The following PRKDC variants were observed in gnomAD, a reference collection of about 807,000 sequenced individuals.
PRKDC encodes the protein protein kinase, DNA-activated, catalytic subunit, also known as DNA-dependent protein kinase catalytic subunit.
In PRKDC, 82 loss-of-function variants were observed where a neutral mutation model predicts 486.9. That is an observed-to-expected ratio of 0.17 (90% CI 0.14 to 0.20). The LOEUF is 0.20. Among genes scored for constraint, PRKDC ranks in the 10% least tolerant of loss-of-function variants. The pLI is 1.00. For missense variants in PRKDC, 4,504 were observed against 5,038.2 expected (o/e 0.89, Z 3.21); for synonymous variants, 1,895 against 1,837.0 (o/e 1.03, Z -0.81).
chr8:47,915,339 T>C lies in PRKDC; in HGVS notation c.2606A>G (p.Asn869Ser). The C allele has an allele frequency of 6.5e-7, 1 of 1,535,330 alleles. No homozygotes were observed. The highest frequency in any genetic ancestry group is 8.9e-7 in the Non-Finnish European group (1 of 1,129,508). ...TAAAAGAAGTTTACCTGTCAGAAGA[T>C]TTTTGTTTATTTGTCCTCCTAGAGA... Reference protein sequence around the residue: ...LGSLGGQINKNLLTVTSSDEM... With the variant: ...LGSLGGQINKSLLTVTSSDEM... Residue 869 changes from asparagine (N) to serine (S), a missense_variant, in exon 23 of 86, where the codon AAT becomes AGT. Physicochemically the swap from Asn to Ser is conservative, Grantham distance 46. Around this residue, in one of 6 missense-constraint regions of PRKDC, gnomAD observed 1,969 missense variants for 2,068.9 expected, o/e 0.95. Coordinates refer to ENST00000314191, the MANE Select transcript of PRKDC (RefSeq NM_006904.7).
chr8:47,958,105 G>C (rs1184214644), intron 1 of PRKDC, among the ~76,000 whole-genome samples: 1 of 152,190 alleles, frequency 6.6e-6, no homozygotes, highest in Admixed American at 6.5e-5. Context: ...TAATCACACA[G>C]GCCCTTAAAG....
intron 68 of PRKDC, among the ~76,000 whole-genome samples, chr8:47,807,949 T>G (rs2087250580): frequency 6.6e-6 from 1 of 151,896 alleles, no homozygotes; most frequent in Non-Finnish European, 1.5e-5. Context: ...CTCCTGACCC[T>G]CAGGTGATCC....
At chr8:47,951,370 A>G (rs1374595609) in intron 7 of PRKDC, among the ~76,000 whole-genome samples, 2 of 151,852 alleles carry the variant, frequency 1.3e-5, no homozygotes, top group African/African-American at 2.4e-5. Flanking sequence ...CAGAAAAAAA[A>G]AAGAAAAGAA....
chr8:47,919,886 G>A lies in PRKDC; in HGVS notation c.2420-1503C>T, dbSNP rs201309057. Among the ~76,000 whole-genome samples, 8 of 152,238 alleles carry A rather than the reference G, an allele frequency of 5.3e-5. No individual in the cohort carries two copies. In the East Asian group the frequency reaches 5.8e-4, roughly 11 times the overall value. ...ATCTCTGCAGCACTGCGACATGTTCGTGATGGCCATGATGTCCACACTGAA... is the reference window on the plus strand; with the variant it reads ...ATCTCTGCAGCACTGCGACATGTTCATGATGGCCATGATGTCCACACTGAA... On this transcript the variant is annotated intron_variant, in intron 21 of 85. Transcript: ENST00000314191.
rs1489417940 is a variant in PRKDC, at chr8:47,776,830, T to C, written c.12182+14A>G. The C allele has an allele frequency of 6.2e-7, 1 of 1,613,332 alleles. No individual in the cohort carries two copies. The highest frequency in any genetic ancestry group is 1.3e-5 in the African/African-American group (1 of 74,900). ...CGGTAGTCCGTTAGTTTTTTCCACA[T>C]ATAAAAATCTTACCAAGTAATGACT... On this transcript the variant is annotated intron_variant, in intron 85 of 85. Coordinates refer to ENST00000314191, the MANE Select transcript of PRKDC (RefSeq NM_006904.7).
intron 12 of PRKDC, among the ~76,000 whole-genome samples, 192 bp downstream of exon 12, chr8:47,936,161 A>G (rs8178022): frequency 1.3e-5 from 2 of 152,174 alleles, no homozygotes; most frequent in Non-Finnish European, 2.9e-5. Flanking sequence ...AGGAGAAACA[A>G]ATATTTTTTT....
chr8:47,825,306 C>T (rs1448139574), intron 63 of PRKDC, among the ~76,000 whole-genome samples: 7 of 151,884 alleles, frequency 4.6e-5, no homozygotes, highest in Non-Finnish European at 7.4e-5. Context: ...GAGGCCGGGG[C>T]GGGCGGATCC....
intron 32 of PRKDC, 76 bp from the exon 33 acceptor site, chr8:47,889,298 T>C (rs1430982318): frequency 1.1e-5 from 14 of 1,317,354 alleles, no homozygotes; most frequent in Non-Finnish European, 1.3e-5. Context: ...GCCCACAAGG[T>C]TGGGAACTTC....
chr8:47,904,678 A>G (rs1234308086), intron 26 of PRKDC, among the ~76,000 whole-genome samples, 191 bp downstream of exon 26: 1 of 152,228 alleles, frequency 6.6e-6, no homozygotes, highest in Non-Finnish European at 1.5e-5. Context: ...CTGTAGTCCC[A>G]GCTATTCAGG....
At chr8:47,913,851 T>C in intron 24 of PRKDC, 50 bp downstream of exon 24, 1 of 1,501,506 alleles carries the variant, frequency 6.7e-7, no homozygotes. Flanking sequence ...CAATATGTAT[T>C]TTTAAAGCAA....
chr8:47,891,832 T>C (rs1281381475), intron 31 of PRKDC, among the ~76,000 whole-genome samples: 3 of 152,216 alleles, frequency 2.0e-5, no homozygotes, highest in Admixed American at 6.5e-5. Context: ...ATGTACATTT[T>C]AGAATAAACC....
intron 63 of PRKDC, among the ~76,000 whole-genome samples, chr8:47,824,551 TTC>T (rs1391082443): frequency 2.0e-5 from 3 of 150,740 alleles, no homozygotes; most frequent in Non-Finnish European, 4.4e-5. Flanking sequence ...TTACATAAGG[TTC>T]TCCAGTATTA....
chr8:47,951,107 A>G (rs985895305), intron 7 of PRKDC, among the ~76,000 whole-genome samples: 1 of 152,082 alleles, frequency 6.6e-6, no homozygotes, highest in African/African-American at 2.4e-5. Flanking sequence ...AGCGGCTCAC[A>G]CCTGTAATCC....
At chr8:47,852,907 A>C in intron 51 of PRKDC, 123 bp from the exon 52 acceptor site, 1 of 668,522 alleles carries the variant, frequency 1.5e-6, no homozygotes, top group South Asian at 1.9e-5. Flanking sequence ...CTAAATATAG[A>C]ATGTGATGCA....
rs1563795009 is a variant in PRKDC, at chr8:47,902,748, A to G, written c.3090T>C (p.Gly1030=). Residue 1030 remains glycine (G), a synonymous_variant, in exon 27 of 86, where the codon GGT becomes GGC. Coordinates refer to ENST00000314191, the MANE Select transcript of PRKDC (RefSeq NM_006904.7). The part of the protein sequence containing the change: ...PVDSTLRDFC[G]RCIREFLKWS... ...ATTTAAGGAATTCTCGAATACACCG[A>G]CCACAAAAATCTCTTAAAGTACTGT... 1 of 1,613,786 alleles carries G rather than the reference A, an allele frequency of 6.2e-7. No homozygotes were observed. Among genetic ancestry groups the G allele is most frequent in the East Asian group, 2.2e-5 (1 of 44,886 alleles).
At position 47,874,356 on chromosome 8, in the gene PRKDC, T is replaced by A. The variant is rs6997971; in HGVS notation, c.5363+3368A>T. On this transcript the variant is annotated intron_variant, in intron 40 of 85. Transcript: ENST00000314191. ...TCAGTCACCCTGACCTGATTACACA[T>A]TATACACCTGTATCAAAGTGTGATT... Among the ~76,000 whole-genome samples the A allele has an allele frequency of 3.5e-3, 531 of 152,306 alleles. 7 individuals carry two copies. The highest frequency in any genetic ancestry group is 0.012 in the African/African-American group (503 of 41,560).
At chr8:47,813,640 A>G (rs2087380481) in intron 68 of PRKDC, among the ~76,000 whole-genome samples, 1 of 151,636 alleles carries the variant, frequency 6.6e-6, no homozygotes, top group Admixed American at 6.6e-5. Flanking sequence ...CAATGGTACG[A>G]TCTTGCCTCA....
At position 47,839,248 on chromosome 8, in the gene PRKDC, T is replaced by C. The variant is rs1367890747; in HGVS notation, c.7455-2A>G. The C allele has an allele frequency of 6.2e-7, 1 of 1,609,014 alleles. No homozygotes were observed. Among genetic ancestry groups the C allele is most frequent in the Admixed American group, 1.7e-5 (1 of 59,902 alleles). On this transcript the variant is annotated splice_acceptor_variant, in intron 55 of 85. Transcript: ENST00000314191. LOFTEE classifies it high-confidence loss of function. ...TTATCTGTCTCACTTTCTGGATCTC[T>C]GCTTGAGAAAACAGCAAAATGTCAC...
At chr8:47,898,395 C>A in intron 29 of PRKDC, 75 bp downstream of exon 29, 4 of 1,190,960 alleles carry the variant, frequency 3.4e-6, no homozygotes, top group South Asian at 1.4e-5. Flanking sequence ...CAGATCCATC[C>A]CAGGTTGTCC....
Sources: allele counts gnomAD v4.1 joint callset (sites outside exome capture counted in the v4.1 genomes callset), GRCh38; gene constraint gnomAD v4.1.1; regional missense constraint gnomAD v4.1.1; transcripts MANE v1.5; gene names NCBI Gene and HGNC (gene_info 2026-07-23, HGNC 2026-07-21).